MMRN1: variants seen among roughly 807,000 people sequenced by gnomAD.
The protein encoded by MMRN1 is multimerin-1.
MMRN1 carries 94 observed loss-of-function variants against 100.7 expected under a neutral mutation model. That is an observed-to-expected ratio of 0.93 (90% CI 0.79 to 1.11). The LOEUF (loss-of-function observed/expected upper bound fraction) is 1.11, where lower values mean the gene tolerates loss of function less well. MMRN1 is among the 50% of genes least tolerant of loss of function. MMRN1 has a pLI of 0.00. For missense variants in MMRN1, 1,606 were observed against 1,439.1 expected, an observed-to-expected ratio of 1.12 and a Z score of -1.88; for synonymous variants, 575 against 505.0, an observed-to-expected ratio of 1.14 and a Z score of -1.86.
At chr4:89,924,045 A>G (rs191885729) in intron 4 of MMRN1, among the ~76,000 whole-genome samples, 2 of 152,318 alleles carry the variant, frequency 1.3e-5, no homozygotes, top group East Asian at 3.9e-4. Flanking sequence ...GTGTAAAGGG[A>G]TAGACAGTAT....
chr4:89,908,984 C>T lies in MMRN1; in HGVS notation c.624-292C>T, dbSNP rs371806997. On this transcript the variant is annotated intron_variant, in intron 1 of 7. Transcript: ENST00000264790. ...TATTAATATTTGCTACAAGAGCATT[C>T]TTGCATTTTGATTTATCTTATAGCT... 3.6e-3 allele frequency among the ~76,000 whole-genome samples: 543 copies of T among 151,524 alleles called. 2 individuals carry two copies. The highest frequency in any genetic ancestry group is 6.2e-3 in the Admixed American group (94 of 15,152).
At chr4:89,892,370 A>C (rs7356205), upstream of MMRN1, among the ~76,000 whole-genome samples, 59,495 of 150,690 alleles carry the variant, frequency 0.39, 12,524 homozygotes, top group East Asian at 0.46. Context: ...ATAGTATTTT[A>C]GTATCTAGTA....
At chr4:89,930,101 GAAAC>G (rs1295662291) in intron 5 of MMRN1, among the ~76,000 whole-genome samples, 1 of 152,090 alleles carries the variant, frequency 6.6e-6, no homozygotes, top group African/African-American at 2.4e-5. Flanking sequence ...ACAGGAAACA[GAAAC>G]AAACAGAATT....
intron 7 of MMRN1, among the ~76,000 whole-genome samples, chr4:89,952,381 CA>C (rs200785781): frequency 0.011 from 1,684 of 152,110 alleles, 35 homozygotes; most frequent in African/African-American, 0.038. Context: ...TTAATGACTG[CA>C]AAAAAACCTA....
At chr4:89,946,377 G>A (rs1344825038) in intron 6 of MMRN1, among the ~76,000 whole-genome samples, 1 of 152,152 alleles carries the variant, frequency 6.6e-6, no homozygotes, top group Non-Finnish European at 1.5e-5. Context: ...CCTCTACAAT[G>A]TTACTGTTTA....
intron 4 of MMRN1, among the ~76,000 whole-genome samples, chr4:89,925,538 T>G (rs760182815): frequency 1.2e-4 from 18 of 150,502 alleles, no homozygotes; most frequent in Middle Eastern, 3.5e-3. Flanking sequence ...ATTAAAAATT[T>G]AAGTGGTTTT....
chr4:89,913,471 A>G (rs577643472), intron 3 of MMRN1, among the ~76,000 whole-genome samples: 1 of 151,436 alleles, frequency 6.6e-6, no homozygotes, highest in East Asian at 1.9e-4. Flanking sequence ...ATACTTAGGA[A>G]TCAATTCTTT....
chr4:89,882,965 TA>T (rs577163054), intron 1 of MMRN1, among the ~76,000 whole-genome samples: 129 of 152,184 alleles, frequency 8.5e-4, no homozygotes, highest in Non-Finnish European at 1.5e-3. Context: ...TCTATCATTG[TA>T]AATTAGTATT....
Position 89,951,705 on chromosome 4 carries a change from T to G in MMRN1, c.3219T>G (p.Gly1073=). The change falls in exon 7 of 8, where the codon GGT becomes GGG. Residue 1073 remains glycine (G), a synonymous_variant. Coordinates refer to ENST00000264790, the MANE Select transcript of MMRN1 (RefSeq NM_007351.3). ...FTCACRHPFT[G]DNCTIKLVEE... ...GTGCCTGCAGACATCCTTTTACTGGTGACAACTGCACTATCAAGCTTGTGG... is the reference window on the plus strand; with the variant it reads ...GTGCCTGCAGACATCCTTTTACTGGGGACAACTGCACTATCAAGCTTGTGG... The G allele has an allele frequency of 6.2e-7, 1 of 1,610,186 alleles. No homozygotes were observed. The highest frequency in any genetic ancestry group is 8.5e-7 in the Non-Finnish European group (1 of 1,178,704).
chr4:89,922,682 C>T (rs922972072), intron 3 of MMRN1, among the ~76,000 whole-genome samples: 4 of 151,998 alleles, frequency 2.6e-5, no homozygotes, highest in African/African-American at 9.7e-5. Context: ...GGAAACAATC[C>T]ATTTAAGTGG....
intron 1 of MMRN1, among the ~76,000 whole-genome samples, chr4:89,905,026 A>G (rs1664369604): frequency 6.6e-6 from 1 of 151,716 alleles, no homozygotes; most frequent in Admixed American, 6.6e-5. Context: ...GGGGGGAATT[A>G]TCCACATATG....
In MMRN1 at chr4:89,936,470, G is replaced by A. The variant is rs1192008274; in HGVS notation, c.2790G>A (p.Met930Ile). The A allele has an allele frequency of 6.2e-7, 1 of 1,612,972 alleles. No individual in the cohort carries two copies. The highest frequency in any genetic ancestry group is 8.5e-7 in the Non-Finnish European group (1 of 1,179,578). Residue 930 changes from methionine to isoleucine, a missense_variant, in exon 6 of 8, where the codon ATG (methionine) becomes ATA (isoleucine). By Grantham distance (10) the Met-to-Ile change is conservative (BLOSUM62 1). Transcript: ENST00000264790. ...AAACTCTCCACGAAGTTTTAACAAT[G>A]TGTCACAATGCTTCTACAAGTGTGT... ...LNKTLHEVLT[M>I]CHNASTSVSE...
intron 6 of MMRN1, chr4:89,951,383 A>G: frequency 2.6e-6 from 1 of 385,480 alleles, no homozygotes; most frequent in Non-Finnish European, 4.6e-6. Context: ...AATGTAATGG[A>G]TCACAGAATT....
At chr4:89,942,198 A>C (rs1185734592) in intron 6 of MMRN1, among the ~76,000 whole-genome samples, 3 of 152,170 alleles carry the variant, frequency 2.0e-5, no homozygotes, top group African/African-American at 7.2e-5. Flanking sequence ...CCAAGCAAAA[A>C]TCACAGGAGC....
intron 7 of MMRN1, 53 bp downstream of exon 7, chr4:89,951,804 C>G: frequency 6.4e-7 from 1 of 1,563,036 alleles, no homozygotes; most frequent in Non-Finnish European, 8.7e-7. Flanking sequence ...TAAATAGAAA[C>G]ACGTTTTGAA....
Position 89,894,992 on chromosome 4 carries a change from T to C in MMRN1, c.21T>C (p.Phe7=). The change falls in exon 1 of 8, where the codon TTT becomes TTC. Residue 7 remains phenylalanine (F), a synonymous_variant. Transcript: ENST00000264790. ...CTGAGATGAAGGGGGCAAGATTATT[T>C]GTCCTTCTTTCTAGTTTATGGAGTG... MKGARL[F]VLLSSLWSGG... is the part of the protein sequence containing the mutation. 1.2e-6 allele frequency: 2 copies of C among 1,611,830 alleles called. No homozygotes were observed. The highest frequency in any genetic ancestry group is 2.2e-5 in the South Asian group (2 of 90,784).
chr4:89,906,470 T>C (rs1475773559), intron 1 of MMRN1, among the ~76,000 whole-genome samples: 1 of 151,526 alleles, frequency 6.6e-6, no homozygotes, highest in Non-Finnish European at 1.5e-5. Context: ...CCAAATGTGG[T>C]CTGCTGGATG....
In MMRN1 at chr4:89,909,270, C is replaced by T; in HGVS notation, c.624-6C>T. On this transcript the variant is annotated splice_polypyrimidine_tract_variant and splice_region_variant and intron_variant, in intron 1 of 7. Transcript: ENST00000264790. Reference sequence around the variant, plus strand: ...TTTTTTCCCTAACAATTATGATCTTCTTTAGGAATTGGTGTGCTTATGTAC... The same window carrying T: ...TTTTTTCCCTAACAATTATGATCTTTTTTAGGAATTGGTGTGCTTATGTAC... The T allele has an allele frequency of 1.3e-6, 2 of 1,577,028 alleles. No homozygotes were observed. Among genetic ancestry groups the T allele is most frequent in the South Asian group, 1.2e-5 (1 of 85,238 alleles).
chr4:89,944,193 T>A (rs1722918708), intron 6 of MMRN1, among the ~76,000 whole-genome samples: 1 of 152,190 alleles, frequency 6.6e-6, no homozygotes. Flanking sequence ...TACATTTTAA[T>A]TTTTTTCTCT....
Sources: allele counts gnomAD v4.1 joint callset (sites outside exome capture counted in the v4.1 genomes callset), GRCh38; gene constraint gnomAD v4.1.1; transcripts MANE v1.5; gene names NCBI Gene and HGNC (gene_info 2026-07-23, HGNC 2026-07-21).